The following CCDC85C variants were observed in gnomAD, a reference collection of about 807,000 sequenced individuals.
The protein encoded by CCDC85C is coiled-coil domain-containing protein 85C.
In CCDC85C, 18 loss-of-function variants were observed where a neutral mutation model predicts 38.3. The observed-to-expected ratio is 0.47, with a 90% CI of 0.33 to 0.70. The LOEUF is 0.70. Among genes scored for constraint, CCDC85C ranks in the 30% least tolerant of loss-of-function variants. The pLI is 0.03. For synonymous variants in CCDC85C, 264 were observed against 293.8 expected (o/e 0.90, Z 1.04); for missense variants, 566 against 621.2 (o/e 0.91, Z 0.94).
In CCDC85C at chr14:99,603,994, C is replaced by T; in HGVS notation, c.-35G>A. 8.2e-7 allele frequency: 1 copy of T among 1,218,200 alleles called. No individual in the cohort carries two copies. The allele number at this position is 1,218,200 out of a possible 1,614,324, so 75.5% of individuals were successfully genotyped here. A position where few individuals can be genotyped will look rare whatever the true frequency, so the allele number is the denominator to read the frequency against. ...GTCACCGCGGCATCGCCCTCGCCCT[C>T]GCCCGGCCGGCGCTTCCCCGCGCCG... On this transcript the variant is annotated 5_prime_UTR_variant, in exon 1 of 6. Coordinates refer to ENST00000380243, the MANE Select transcript of CCDC85C (RefSeq NM_001144995.2). This position sits in a 1 kb window ranked among gnomAD's most constrained non-coding sequence, Gnocchi z 7.5.
chr14:99,603,321 G>C lies in CCDC85C; in HGVS notation c.639C>G (p.Ser213Arg). The change falls in exon 1 of 6, where the codon AGC becomes AGG. Residue 213 changes from serine (S) to arginine (R), a missense_variant. Around this residue, in one of 3 missense-constraint regions of CCDC85C, gnomAD observed 11 missense variants for 36.6 expected, o/e 0.30. Coordinates refer to ENST00000380243, the MANE Select transcript of CCDC85C (RefSeq NM_001144995.2). This position sits in a 1 kb window ranked among gnomAD's most constrained non-coding sequence, Gnocchi z 7.5. Reference sequence around the variant, plus strand: ...GGTGGTGGTGGTCGGGGCTGCCGCCGCTGCCCGCGCTGGACGTACTGCTGC... The same window carrying C: ...GGTGGTGGTGGTCGGGGCTGCCGCCCCTGCCCGCGCTGGACGTACTGCTGC... ...GDGSSTSSAG[S>R]GGSPDHHHHV... 7.4e-7 allele frequency: 1 copy of C among 1,347,212 alleles called. No homozygotes were observed. Among genetic ancestry groups the C allele is most frequent in the Non-Finnish European group, 9.5e-7 (1 of 1,053,716 alleles). 83.5% of individuals were successfully genotyped at this position (1,347,212 alleles called of 1,614,324 possible). A position where few individuals can be genotyped will look rare whatever the true frequency, so the allele number is the denominator to read the frequency against.
intron 3 of CCDC85C, among the ~76,000 whole-genome samples, chr14:99,518,863 G>C (rs538386944): frequency 6.6e-6 from 1 of 152,302 alleles, no homozygotes; most frequent in Admixed American, 6.5e-5. Flanking sequence ...GGCAGTGGTG[G>C]GTGCCAGCGA....
chr14:99,564,978 A>T (rs1229732193), intron 1 of CCDC85C, among the ~76,000 whole-genome samples: 1 of 152,194 alleles, frequency 6.6e-6, no homozygotes, highest in East Asian at 1.9e-4. Flanking sequence ...GGCAGCTGCC[A>T]CAGGGGGCAA....
intron 2 of CCDC85C, among the ~76,000 whole-genome samples, chr14:99,532,782 C>CT (rs34038396): frequency 0.46 from 57,737 of 124,294 alleles, 13,983 homozygotes; most frequent in East Asian, 0.57. Flanking sequence ...TCTTCTTCTT[C>CT]TTTTTTTTTT....
intron 1 of CCDC85C, among the ~76,000 whole-genome samples, chr14:99,593,120 C>T (rs1168585397): frequency 2.6e-5 from 4 of 152,236 alleles, no homozygotes; most frequent in African/African-American, 7.2e-5. Flanking sequence ...GGAGCCGGGC[C>T]GGTGCCGTGC....
intron 2 of CCDC85C, among the ~76,000 whole-genome samples, chr14:99,527,946 G>A (rs940689415): frequency 3.3e-5 from 5 of 152,218 alleles, no homozygotes; most frequent in African/African-American, 1.2e-4. Flanking sequence ...TCACACCACG[G>A]AGAGCCCTCG....
chr14:99,561,913 G>A (rs1204515464), intron 1 of CCDC85C, among the ~76,000 whole-genome samples: 2 of 152,190 alleles, frequency 1.3e-5, no homozygotes, highest in Non-Finnish European at 2.9e-5. Flanking sequence ...CACCAAGGGG[G>A]CCTGGCCCTT....
chr14:99,604,163 G>C lies in CCDC85C; in HGVS notation c.-204C>G. 6.0e-6 allele frequency: 2 copies of C among 335,802 alleles called. No individual in the cohort carries two copies. Among genetic ancestry groups the C allele is most frequent in the Non-Finnish European group, 8.4e-6 (2 of 238,328 alleles). 20.8% of individuals were successfully genotyped at this position (335,802 alleles called of 1,614,324 possible). On this transcript the variant is annotated 5_prime_UTR_variant, in exon 1 of 6. Transcript: ENST00000380243. ...CGCCTCGGGGTTGACGAGCGGAGGC[G>C]GCTGCTGCGTCGGCGGCCGCGGTGC...
chr14:99,575,202 G>A (rs528707261), intron 1 of CCDC85C, among the ~76,000 whole-genome samples: 9 of 152,328 alleles, frequency 5.9e-5, no homozygotes, highest in African/African-American at 1.7e-4. Context: ...GGGTGAGGCC[G>A]CGTCCTGGCC....
chr14:99,603,591 C>A lies in CCDC85C; in HGVS notation c.369G>T (p.Ser123=), dbSNP rs561903969. The change falls in exon 1 of 6, where the codon TCG becomes TCT. Residue 123 remains serine (S), a synonymous_variant. Coordinates refer to ENST00000380243, the MANE Select transcript of CCDC85C (RefSeq NM_001144995.2). The surrounding 1 kb of genome is among the most constrained non-coding windows in gnomAD (Gnocchi z 7.5). ...CCTCGAGCTCGCGCAGCTTCTGCTGCGAGCGGGCCACCTCGTGCCACACGG... is the reference window on the plus strand; with the variant it reads ...CCTCGAGCTCGCGCAGCTTCTGCTGAGAGCGGGCCACCTCGTGCCACACGG... ...AGAVWHEVAR[S]QQKLRELEAR... 2 of 1,423,808 alleles carry A rather than the reference C, an allele frequency of 1.4e-6. No homozygotes were observed. Among genetic ancestry groups the A allele is most frequent in the Non-Finnish European group, 1.8e-6 (2 of 1,094,080 alleles). The allele number at this position is 1,423,808 out of a possible 1,614,324, so 88.2% of individuals were successfully genotyped here.
Position 99,572,913 on chromosome 14 carries a change from T to C in CCDC85C, c.793+30254A>G, listed in dbSNP as rs780933071. ...CCAGGCAGGGTGGGAGGCACGGACC[T>C]GAGGCAGCGCCTTCTCTTAGCTCTG... On this transcript the variant is annotated intron_variant, in intron 1 of 5. Transcript: ENST00000380243. The surrounding 1 kb of genome is among the most constrained non-coding windows in gnomAD (Gnocchi z 4.4). The C allele has an allele frequency of 3.7e-5, 16 of 436,308 alleles. No individual in the cohort carries two copies. Among genetic ancestry groups the C allele is most frequent in the Admixed American group, 1.2e-4 (5 of 41,578 alleles). 27.0% of individuals were successfully genotyped at this position (436,308 alleles called of 1,614,324 possible).
chr14:99,577,873 G>A (rs1300953905), intron 1 of CCDC85C, among the ~76,000 whole-genome samples: 1 of 148,634 alleles, frequency 6.7e-6, no homozygotes, highest in African/African-American at 2.5e-5. Flanking sequence ...GTGTGTGCGT[G>A]TGCACATCTC....
chr14:99,510,663 C>G lies in CCDC85C; in HGVS notation c.*4583G>C, dbSNP rs1406326892. The G allele has an allele frequency of 7.1e-7, 1 of 1,417,132 alleles. No individual in the cohort carries two copies. The highest frequency in any genetic ancestry group is 9.2e-7 in the Non-Finnish European group (1 of 1,086,636). The allele number at this position is 1,417,132 out of a possible 1,614,324, so 87.8% of individuals were successfully genotyped here. ...TCCTCCTCCAGGGTTGGGCCTGCCG[C>G]CAGCCAGCTACCCACCTCCTGCCGT... On this transcript the variant is annotated 3_prime_UTR_variant, in exon 6 of 6. Coordinates refer to ENST00000380243, the MANE Select transcript of CCDC85C (RefSeq NM_001144995.2).
At position 99,603,283 on chromosome 14, in the gene CCDC85C, G is replaced by T; in HGVS notation, c.677C>A (p.Pro226Gln). ...SPDHHHHVPP[P>Q]LLPPGPHKAP... is the part of the protein sequence containing the mutation. ...CTTGTGCGGCCCGGGGGGCAGCAGCGGGGGTGGGACGTGGTGGTGGTGGTC... is the reference window on the plus strand; with the variant it reads ...CTTGTGCGGCCCGGGGGGCAGCAGCTGGGGTGGGACGTGGTGGTGGTGGTC... The change falls in exon 1 of 6, where the codon CCG becomes CAG. Residue 226 changes from proline (P) to glutamine (Q), a missense_variant. Physicochemically the swap from Pro to Gln is moderately conservative, Grantham distance 76. This residue lies in a region of CCDC85C where 286 missense variants were observed against 276.4 expected (regional missense o/e 1.03). Transcript: ENST00000380243. This position sits in a 1 kb window ranked among gnomAD's most constrained non-coding sequence, Gnocchi z 7.5. 7.2e-7 allele frequency: 1 copy of T among 1,379,816 alleles called. No homozygotes were observed. The allele number at this position is 1,379,816 out of a possible 1,614,324, so 85.5% of individuals were successfully genotyped here. A position where few individuals can be genotyped will look rare whatever the true frequency, so the allele number is the denominator to read the frequency against.
rs1421583547 is a variant in CCDC85C at position 99,544,163 on chromosome 14, G to A, written c.794-8075C>T. Among the ~76,000 whole-genome samples the A allele has an allele frequency of 1.3e-5, 2 of 152,138 alleles. No individual in the cohort carries two copies. Among genetic ancestry groups the A allele is most frequent in the South Asian group, 2.1e-4 (1 of 4,824 alleles). ...GCTACCACTGTGTCATCGACAAGGCGCCTGAGACTCAGCGATGTTAGGCAG... is the reference window on the plus strand; with the variant it reads ...GCTACCACTGTGTCATCGACAAGGCACCTGAGACTCAGCGATGTTAGGCAG... On this transcript the variant is annotated intron_variant, in intron 1 of 5. Coordinates refer to ENST00000380243, the MANE Select transcript of CCDC85C (RefSeq NM_001144995.2). This position sits in a 1 kb window ranked among gnomAD's most constrained non-coding sequence, Gnocchi z 5.3.
At chr14:99,536,589 T>G (rs960446372) in intron 1 of CCDC85C, among the ~76,000 whole-genome samples, 3 of 152,214 alleles carry the variant, frequency 2.0e-5, no homozygotes, top group African/African-American at 7.2e-5. Context: ...AGTCAGCATC[T>G]GGGATCCTTC....
At chr14:99,546,813 C>G (rs1244578259) in intron 1 of CCDC85C, among the ~76,000 whole-genome samples, 2 of 152,126 alleles carry the variant, frequency 1.3e-5, no homozygotes, top group Non-Finnish European at 2.9e-5. Flanking sequence ...CAGTAAAACT[C>G]TATCTCAGCC....
chr14:99,502,826 G>A lies in CCDC85C; in HGVS notation c.*12420C>T, dbSNP rs774074339. ...CCCATCTCTTCAGCCTACACCACAA[G>A]TGCCGCAAGTACAGCAGTCACAGCC... On this transcript the variant is annotated 3_prime_UTR_variant, in exon 6 of 6. Transcript: ENST00000380243. 23 of 1,613,216 alleles carry A rather than the reference G, an allele frequency of 1.4e-5. No homozygotes were observed. In the South Asian group the frequency reaches 2.3e-4, roughly 16 times the overall value.
At position 99,577,482 on chromosome 14, in the gene CCDC85C, C is replaced by G. The variant is rs543325969; in HGVS notation, c.793+25685G>C. The stretch of plus-strand genomic sequence containing the variant: ...CCACTTGCTGGGCACGCCGCCTCAC[C>G]TCTCTGAGCCTCAGTCTCCTCAGCT... On this transcript the variant is annotated intron_variant, in intron 1 of 5. Coordinates refer to ENST00000380243, the MANE Select transcript of CCDC85C (RefSeq NM_001144995.2). 2.7e-3 allele frequency among the ~76,000 whole-genome samples: 413 copies of G among 151,658 alleles called. 3 individuals are homozygous for G. Among genetic ancestry groups the G allele is most frequent in the Middle Eastern group, 0.014 (4 of 294 alleles).
Sources: gnomAD v4.1 joint callset for allele counts (sites outside exome capture counted in the v4.1 genomes callset) on GRCh38, gnomAD v4.1.1 for gene constraint, gnomAD v4.1.1 regional missense constraint, Gnocchi (gnomAD v3.1) non-coding constraint, MANE v1.5 for transcripts, NCBI Gene and HGNC (gene_info 2026-07-23, HGNC 2026-07-21) for gene names.